The following BRD4 variants were observed in gnomAD, a reference collection of about 807,000 sequenced individuals.
The protein encoded by BRD4 is bromodomain-containing protein 4.
Under a neutral mutation model 142.1 loss-of-function variants are expected in BRD4, and 16 were observed. That is an observed-to-expected ratio of 0.11 (90% CI 0.08 to 0.17). BRD4 has a LOEUF of 0.17. Ranked by LOEUF, BRD4 falls within the 10% of genes least tolerant of loss-of-function variation. The pLI is 1.00. For missense variants in BRD4, 1,424 were observed against 1,810.9 expected, an observed-to-expected ratio of 0.79 and a Z score of 3.88; for synonymous variants, 833 against 707.5, an observed-to-expected ratio of 1.18 and a Z score of -2.82.
At chr19:15,282,223 T>C (rs1283997166) in intron 1 of BRD4, among the ~76,000 whole-genome samples, 1 of 152,064 alleles carries the variant, frequency 6.6e-6, no homozygotes, top group Non-Finnish European at 1.5e-5. Flanking sequence ...TGAGCCTCAC[T>C]GTGTGCCAAA....
chr19:15,273,351 C>G (rs2047610845), intron 1 of BRD4, among the ~76,000 whole-genome samples: 1 of 152,152 alleles, frequency 6.6e-6, no homozygotes, highest in Non-Finnish European at 1.5e-5. Context: ...CACAAACCAA[C>G]AGAGGAGGCA....
chr19:15,273,834 T>A (rs558486367), intron 1 of BRD4, among the ~76,000 whole-genome samples: 223 of 150,164 alleles, frequency 1.5e-3, no homozygotes, highest in Non-Finnish European at 2.8e-3. Context: ...TTTTTTTTTT[T>A]CATCTCTAGT....
At chr19:15,322,782 G>A (rs2144997952) in intron 1 of BRD4, among the ~76,000 whole-genome samples, 1 of 150,656 alleles carries the variant, frequency 6.6e-6, no homozygotes, top group East Asian at 2.0e-4. Flanking sequence ...CAGGAGAATA[G>A]CGTGAACCTG....
chr19:15,259,641 G>A (rs143659220), intron 7 of BRD4, among the ~76,000 whole-genome samples: 14 of 152,332 alleles, frequency 9.2e-5, no homozygotes, highest in Non-Finnish European at 1.5e-4. Flanking sequence ...GTTGTAGCCT[G>A]AGTGGGGGGC....
At chr19:15,318,702 A>G (rs1285497625) in intron 1 of BRD4, among the ~76,000 whole-genome samples, 1 of 152,228 alleles carries the variant, frequency 6.6e-6, no homozygotes, top group African/African-American at 2.4e-5. Context: ...GGAACCATTC[A>G]GTTACCTTCT....
rs760576705 is a variant in BRD4, at chr19:15,244,366, C to T, written c.2446G>A (p.Val816Ile). The change falls in exon 13 of 20, where the codon GTC (valine) becomes ATC (isoleucine). Residue 816 changes from valine to isoleucine, a missense_variant. By Grantham distance (29) the Val-to-Ile change is conservative. Transcript: ENST00000679869. ...GTGAAGTGGCCGATGGGGTCAAAGA[C>T]GCTGCCTGGGAGCTGGGGCTCCAGG... ...PVLEPQLPGS[V>I]FDPIGHFTQP... 25 of 1,599,470 alleles carry T rather than the reference C, an allele frequency of 1.6e-5. No individual in the cohort carries two copies. The Admixed American group carries it at 2.0e-4, about 13-fold the overall frequency.
At position 15,258,750 on chromosome 19, in the gene BRD4, CCA is replaced by C. The variant is rs1221534010; in HGVS notation, c.1342-1579_1342-1578del. ...TCAGCCTCCTTGAGAACTGAGACCA[CCA>C]TGCCCAGCTAAATTTTTGTGCAGAC... On this transcript the variant is annotated intron_variant, in intron 7 of 19. Coordinates refer to ENST00000679869, the MANE Select transcript of BRD4 (RefSeq NM_001379291.1). 1.2e-4 allele frequency among the ~76,000 whole-genome samples: 18 copies of C among 152,046 alleles called. No individual in the cohort carries two copies. In the South Asian group the frequency reaches 3.7e-3, roughly 32 times the overall value.
intron 1 of BRD4, among the ~76,000 whole-genome samples, chr19:15,311,974 G>A (rs938137558): frequency 6.6e-6 from 1 of 152,222 alleles, no homozygotes; most frequent in Non-Finnish European, 1.5e-5. Flanking sequence ...AGCTTTGCAA[G>A]ATGAAAACTT....
rs899291192 is a variant in BRD4, at chr19:15,255,677, A to G, written c.1752-85T>C. 416 of 1,481,828 alleles carry G rather than the reference A, an allele frequency of 2.8e-4. 2 individuals are homozygous for G. The highest frequency in any genetic ancestry group is 5.3e-5 in the Non-Finnish European group (59 of 1,108,836). The allele number at this position is 1,481,828 out of a possible 1,614,324, so 91.8% of individuals were successfully genotyped here. On this transcript the variant is annotated intron_variant, in intron 9 of 19. Transcript: ENST00000679869. ...ATTCCTCCACATGTATGTTGGGGGG[A>G]AGGGGTGCCCTTCCCATACCCCCCA...
At position 15,244,619 on chromosome 19, in the gene BRD4, A is replaced by G. The variant is rs2145517281; in HGVS notation, c.2212-19T>C. 6.2e-7 allele frequency: 1 copy of G among 1,613,562 alleles called. No individual in the cohort carries two copies. The highest frequency in any genetic ancestry group is 8.5e-7 in the Non-Finnish European group (1 of 1,179,934). Reference sequence around the variant, plus strand: ...GATGGTGCTGCAGACAGAGAGACAGACAGACAGACAGGCTGATGTCAGGCA... The same window carrying G: ...GATGGTGCTGCAGACAGAGAGACAGGCAGACAGACAGGCTGATGTCAGGCA... On this transcript the variant is annotated intron_variant, in intron 12 of 19. Transcript: ENST00000679869.
Position 15,254,072 on chromosome 19 carries a change from A to G in BRD4, c.2158+80T>C, listed in dbSNP as rs1363933239. On this transcript the variant is annotated intron_variant, in intron 11 of 19. Coordinates refer to ENST00000679869, the MANE Select transcript of BRD4 (RefSeq NM_001379291.1). Reference sequence around the variant, plus strand: ...GGGAGTGCCGTCTCTGGGCTCTAGCATCCTGGACACAGGACCGAGCTAGTG... The same window carrying G: ...GGGAGTGCCGTCTCTGGGCTCTAGCGTCCTGGACACAGGACCGAGCTAGTG... 4.9e-6 allele frequency: 6 copies of G among 1,224,680 alleles called. No individual in the cohort carries two copies. In the South Asian group the frequency reaches 5.0e-5, roughly 10 times the overall value. 75.9% of individuals were successfully genotyped at this position (1,224,680 alleles called of 1,614,324 possible). A position where few individuals can be genotyped will look rare whatever the true frequency, so the allele number is the denominator to read the frequency against.
chr19:15,326,072 G>C (rs1338348033), intron 1 of BRD4, among the ~76,000 whole-genome samples: 1 of 136,818 alleles, frequency 7.3e-6, no homozygotes, highest in African/African-American at 2.7e-5. Flanking sequence ...AAAAATAGCA[G>C]AATTAAGTTA....
At chr19:15,249,606 C>A (rs575986838) in intron 11 of BRD4, among the ~76,000 whole-genome samples, 1 of 152,190 alleles carries the variant, frequency 6.6e-6, no homozygotes, top group African/African-American at 2.4e-5. Flanking sequence ...CCTGAGCGCA[C>A]GCCGGCATTT....
At chr19:15,263,930 C>A (rs947944739) in intron 6 of BRD4, among the ~76,000 whole-genome samples, 10 of 152,260 alleles carry the variant, frequency 6.6e-5, no homozygotes, top group African/African-American at 2.4e-4. Flanking sequence ...TGGGACTCCA[C>A]TCCCAGAAGA....
At chr19:15,251,147 C>CCCA (rs2047339467) in intron 11 of BRD4, among the ~76,000 whole-genome samples, 1 of 152,040 alleles carries the variant, frequency 6.6e-6, no homozygotes, top group African/African-American at 2.4e-5. Flanking sequence ...GAAAGCAGCA[C>CCCA]CCACCCCCGC....
chr19:15,269,662 G>T (rs553745502), intron 2 of BRD4, among the ~76,000 whole-genome samples: 29 of 152,278 alleles, frequency 1.9e-4, no homozygotes, highest in African/African-American at 6.7e-4. Context: ...ACTGCTGACT[G>T]ACCAGGTTAA....
chr19:15,327,925 G>GGGC lies in BRD4; in HGVS notation c.-35+4364_-35+4365insGCC, dbSNP rs2048123505. 1.6e-5 allele frequency among the ~76,000 whole-genome samples: 2 copies of GGGC among 121,806 alleles called. 1 individual carries two copies. The highest frequency in any genetic ancestry group is 6.1e-5 in the African/African-American group (2 of 32,568). 79.9% of individuals were successfully genotyped at this position (121,806 alleles called of 152,430 possible). On this transcript the variant is annotated intron_variant, in intron 1 of 19. Transcript: ENST00000679869. ...TAGGTAATGGATTTCTTTTGGGGGG[G>GGGC]GGGGGTGGAAATGTCCTAAAATTGG... is the stretch of plus-strand genomic sequence containing the variant.
chr19:15,315,874 G>A (rs902048785), intron 1 of BRD4, among the ~76,000 whole-genome samples: 3 of 151,266 alleles, frequency 2.0e-5, no homozygotes, highest in South Asian at 2.1e-4. Flanking sequence ...ACCGAGAAGC[G>A]GCCGGGCGCC....
intron 11 of BRD4, chr19:15,247,313 C>G (rs1296549293): frequency 4.3e-6 from 1 of 231,934 alleles, no homozygotes; most frequent in Non-Finnish European, 8.5e-6. Flanking sequence ...TGCGTCGAGG[C>G]CCGGCTGGCA....
Sources: gnomAD v4.1 joint callset for allele counts (sites outside exome capture counted in the v4.1 genomes callset) on GRCh38, gnomAD v4.1.1 for gene constraint, MANE v1.5 for transcripts, NCBI Gene and HGNC (gene_info 2026-07-23, HGNC 2026-07-21) for gene names.